PIBF1: variants seen among roughly 807,000 people sequenced by gnomAD.
The protein encoded by PIBF1 is progesterone-induced-blocking factor 1.
A neutral mutation model predicts 112.5 loss-of-function variants in PIBF1; 90 were observed. The observed-to-expected ratio is 0.80, with a 90% CI of 0.67 to 0.95. The LOEUF is 0.95. Ranked by LOEUF, PIBF1 falls within the 40% of genes least tolerant of loss-of-function variation. The pLI is 0.00. For synonymous variants in PIBF1, 301 were observed against 288.6 expected (o/e 1.04, Z -0.44); for missense variants, 915 against 852.3 (o/e 1.07, Z -0.92).
At position 73,015,909 on chromosome 13, in the gene PIBF1, T is replaced by TG; in HGVS notation, c.2265dup (p.Lys756GlufsTer37). On this transcript the variant is annotated frameshift_variant, in exon 18 of 18. Coordinates refer to ENST00000326291, the MANE Select transcript of PIBF1 (RefSeq NM_006346.4). LOFTEE classifies it high-confidence loss of function. ...CCTGAGTGGTCTAAGAAACAAAAGA[T>TG]GAAGACCTAGTGTTTTGGATGGGAA... 1.3e-6 allele frequency: 2 copies of TG among 1,588,942 alleles called. No homozygotes were observed. The highest frequency in any genetic ancestry group is 1.7e-6 in the Non-Finnish European group (2 of 1,166,206).
chr13:72,805,684 C>T (rs2035697939), intron 5 of PIBF1, among the ~76,000 whole-genome samples: 1 of 152,132 alleles, frequency 6.6e-6, no homozygotes, highest in Non-Finnish European at 1.5e-5. Context: ...TTTTAAGGGA[C>T]TTAAAGGATG....
rs535308555 is a variant in PIBF1, at chr13:72,959,306, A to AT, written c.1834-5959dup. ...CCACCACGCCCAGCCAGAAATCACTATTTTTTTTTACATTTTCCCCAGCAA... is the reference window on the plus strand; with the variant it reads ...CCACCACGCCCAGCCAGAAATCACTATTTTTTTTTTACATTTTCCCCAGCAA... On this transcript the variant is annotated intron_variant, in intron 14 of 17. Transcript: ENST00000326291. Among the ~76,000 whole-genome samples, 796 of 151,328 alleles carry AT rather than the reference A, an allele frequency of 5.3e-3. 2 individuals carry two copies. Among genetic ancestry groups the AT allele is most frequent in the Non-Finnish European group, 9.1e-3 (616 of 67,738 alleles).
chr13:72,918,025 A>G (rs148321701), intron 13 of PIBF1, among the ~76,000 whole-genome samples: 92 of 152,314 alleles, frequency 6.0e-4, no homozygotes, highest in African/African-American at 2.1e-3. Context: ...ACAGAAAATT[A>G]TACCTACATT....
intron 6 of PIBF1, 105 bp downstream of exon 6, chr13:72,822,087 T>C (rs1413822814): frequency 3.0e-6 from 3 of 1,013,890 alleles, no homozygotes; most frequent in Non-Finnish European, 4.2e-6. Flanking sequence ...TTTTACCTTA[T>C]TCTTCTTTGC....
At chr13:72,894,850 G>A (rs2040214619) in intron 11 of PIBF1, among the ~76,000 whole-genome samples, 1 of 150,988 alleles carries the variant, frequency 6.6e-6, no homozygotes, top group African/African-American at 2.4e-5. Flanking sequence ...TCCAGGGGCA[G>A]TGAGTGACTC....
chr13:72,860,877 A>G (rs1389990349), intron 10 of PIBF1, among the ~76,000 whole-genome samples: 1 of 152,214 alleles, frequency 6.6e-6, no homozygotes, highest in Non-Finnish European at 1.5e-5. Flanking sequence ...TTTGATAAGT[A>G]ACAAATACCC....
At chr13:72,995,192 C>T (rs1449145556) in intron 16 of PIBF1, among the ~76,000 whole-genome samples, 1 of 151,082 alleles carries the variant, frequency 6.6e-6, no homozygotes, top group Non-Finnish European at 1.5e-5. Flanking sequence ...ATCCCAGCTA[C>T]TTGGGAGACT....
In PIBF1 at chr13:72,835,976, G is replaced by A. The variant is rs1027164492; in HGVS notation, c.1223+608G>A. 6.8e-5 allele frequency: 22 copies of A among 321,388 alleles called. No individual in the cohort carries two copies. In the Admixed American group the frequency reaches 7.9e-4, roughly 12 times the overall value. The allele number at this position is 321,388 out of a possible 1,614,324, so 19.9% of individuals were successfully genotyped here. Reference sequence around the variant, plus strand: ...TAGCCAGGCATGGTGGCGGGCGCCTGTAATCCCAGCTACTCGGGAGGCTGA... The same window carrying A: ...TAGCCAGGCATGGTGGCGGGCGCCTATAATCCCAGCTACTCGGGAGGCTGA... On this transcript the variant is annotated intron_variant, in intron 9 of 17. Coordinates refer to ENST00000326291, the MANE Select transcript of PIBF1 (RefSeq NM_006346.4).
At chr13:72,803,662 A>G (rs2035592540) in intron 5 of PIBF1, among the ~76,000 whole-genome samples, 2 of 152,206 alleles carry the variant, frequency 1.3e-5, no homozygotes, top group South Asian at 4.1e-4. Context: ...TAGAGTTTTA[A>G]TTATGTCACA....
chr13:72,818,789 A>G (rs1462911692), intron 5 of PIBF1, among the ~76,000 whole-genome samples: 2 of 146,726 alleles, frequency 1.4e-5, no homozygotes, highest in East Asian at 4.0e-4. Context: ...GCTGAGCACT[A>G]CTGGCAAAAA....
rs561600245 is a variant in PIBF1 at position 72,920,357 on chromosome 13, A to C, written c.1730+3191A>C. 5.3e-5 allele frequency among the ~76,000 whole-genome samples: 8 copies of C among 152,310 alleles called. No homozygotes were observed. In the South Asian group the frequency reaches 1.7e-3, roughly 32 times the overall value. ...GGTCATCTAAGCTGAATGACGGGAA[A>C]GTAAGGCTAGATATCCAAAGAGAAC... On this transcript the variant is annotated intron_variant, in intron 13 of 17. Transcript: ENST00000326291.
chr13:73,005,858 A>G (rs1350668811), intron 17 of PIBF1, among the ~76,000 whole-genome samples: 2 of 152,102 alleles, frequency 1.3e-5, no homozygotes. Flanking sequence ...TGAGGAGAAC[A>G]AAAGCTCCAC....
At chr13:72,935,579 CATA>C (rs2041845945) in intron 14 of PIBF1, among the ~76,000 whole-genome samples, 1 of 152,126 alleles carries the variant, frequency 6.6e-6, no homozygotes, top group African/African-American at 2.4e-5. Flanking sequence ...CTGGCCGGAT[CATA>C]TCGTAGGTGT....
intron 10 of PIBF1, among the ~76,000 whole-genome samples, chr13:72,855,436 G>T (rs2038378641): frequency 6.6e-6 from 1 of 152,048 alleles, no homozygotes; most frequent in African/African-American, 2.4e-5. Context: ...ATAACTTGAG[G>T]CTAGGAGTTT....
chr13:72,965,322 T>C lies in PIBF1; in HGVS notation c.1882T>C (p.Tyr628His), dbSNP rs751791296. Reference sequence around the variant, plus strand: ...AAACCAGACTCAACAGCCTTACAGGTATCTCATTGAATCAGTGCGTCAGAG... The same window carrying C: ...AAACCAGACTCAACAGCCTTACAGGCATCTCATTGAATCAGTGCGTCAGAG... Reference protein sequence around the residue: ...LLNQTQQPYRYLIESVRQRDS... With the variant: ...LLNQTQQPYRHLIESVRQRDS... Residue 628 changes from tyrosine (Y) to histidine (H), a missense_variant, in exon 15 of 18, where the codon TAT (tyrosine) becomes CAT (histidine). Transcript: ENST00000326291. 1 of 1,610,112 alleles carries C rather than the reference T, an allele frequency of 6.2e-7. No homozygotes were observed. Among genetic ancestry groups the C allele is most frequent in the East Asian group, 2.2e-5 (1 of 44,802 alleles).
intron 14 of PIBF1, among the ~76,000 whole-genome samples, chr13:72,961,148 C>T (rs1169515595): frequency 6.7e-6 from 1 of 149,770 alleles, no homozygotes; most frequent in African/African-American, 2.5e-5. Context: ...CAGAATAGTT[C>T]TCTATGTGCA....
intron 10 of PIBF1, among the ~76,000 whole-genome samples, chr13:72,878,775 C>T (rs1424220598): frequency 4.6e-5 from 7 of 152,060 alleles, no homozygotes; most frequent in African/African-American, 1.4e-4. Flanking sequence ...GCAGTTCTAT[C>T]GTGTATTTTG....
chr13:72,860,354 A>T (rs1410648466), intron 10 of PIBF1, among the ~76,000 whole-genome samples: 1 of 138,376 alleles, frequency 7.2e-6, no homozygotes, highest in Admixed American at 7.2e-5. Flanking sequence ...TGTGTGTGTG[A>T]CAGTAGAGAG....
intron 13 of PIBF1, among the ~76,000 whole-genome samples, chr13:72,920,221 A>G (rs7322019): frequency 0.011 from 1,647 of 152,314 alleles, 27 homozygotes; most frequent in African/African-American, 0.038. Flanking sequence ...TGAGCTATCT[A>G]TGTGCCTTGA....
Sources: gnomAD v4.1 joint callset for allele counts (sites outside exome capture counted in the v4.1 genomes callset) on GRCh38, gnomAD v4.1.1 for gene constraint, MANE v1.5 for transcripts, NCBI Gene and HGNC (gene_info 2026-07-23, HGNC 2026-07-21) for gene names.